The following IPO11 variants were observed in gnomAD, a reference collection of about 807,000 sequenced individuals.
IPO11 encodes importin-11.
Under a neutral mutation model 143.2 loss-of-function variants are expected in IPO11, and 66 were observed. The observed-to-expected ratio is 0.46, with a 90% confidence interval of 0.38 to 0.57. The LOEUF is 0.57. Ranked by LOEUF, IPO11 falls within the 20% of genes least tolerant of loss-of-function variation. The probability of loss-of-function intolerance (pLI) is 0.00; values close to 1 mark genes in which losing one functional copy is unlikely to be tolerated. For synonymous variants in IPO11, 385 were observed against 377.8 expected (o/e 1.02, Z -0.22); for missense variants, 1,026 against 1,141.0 (o/e 0.90, Z 1.45).
chr5:62,489,156 T>G (rs1043557982), intron 13 of IPO11, 146 bp from the exon 14 acceptor site: 3 of 467,708 alleles, frequency 6.4e-6, no homozygotes, highest in African/African-American at 6.1e-5. Flanking sequence ...AGACTTTCCC[T>G]TTGTACTTGT....
Position 62,598,501 on chromosome 5 carries a change from T to G in IPO11, c.2679-3263T>G, listed in dbSNP as rs1580370996. 3.3e-4 allele frequency among the ~76,000 whole-genome samples: 2 copies of G among 6,064 alleles called. 1 individual carries two copies. Among genetic ancestry groups the G allele is most frequent in the Non-Finnish European group, 4.7e-4 (2 of 4,278 alleles). 4.0% of individuals were successfully genotyped at this position (6,064 alleles called of 152,430 possible). A position where few individuals can be genotyped will look rare whatever the true frequency, so the allele number is the denominator to read the frequency against. ...CTCTCTCTCTCTCTCTCTCTTTCTT[T>G]CTTTCTTTCTTTCTTTCTTTCTTTC... On this transcript the variant is annotated intron_variant, in intron 28 of 29. Coordinates refer to ENST00000325324, the MANE Select transcript of IPO11 (RefSeq NM_016338.5).
intron 28 of IPO11, chr5:62,601,184 C>G (rs1335315952): frequency 6.6e-6 from 1 of 152,174 alleles, no homozygotes; most frequent in African/African-American, 2.4e-5. Flanking sequence ...GTTGACTGAA[C>G]AGGAAACTGT....
intron 20 of IPO11, among the ~76,000 whole-genome samples, chr5:62,522,738 G>T (rs537124750): frequency 6.6e-6 from 1 of 152,244 alleles, no homozygotes; most frequent in African/African-American, 2.4e-5. Context: ...TCATATCCCT[G>T]TTCTTGATTA....
At chr5:62,592,385 T>C (rs968334581) in intron 28 of IPO11, among the ~76,000 whole-genome samples, 3 of 152,150 alleles carry the variant, frequency 2.0e-5, no homozygotes, top group South Asian at 2.1e-4. Context: ...ATAGCAGATA[T>C]ATGTTGTTGA....
intron 12 of IPO11, among the ~76,000 whole-genome samples, chr5:62,485,842 C>T (rs1209715395): frequency 1.4e-5 from 2 of 147,672 alleles, no homozygotes; most frequent in Non-Finnish European, 3.0e-5. Flanking sequence ...AAAGCAAAAC[C>T]CGTCTCTTAA....
Position 62,536,723 on chromosome 5 carries a change from G to A in IPO11, c.2111G>A (p.Arg704Lys). Residue 704 changes from arginine (R) to lysine (K), a missense_variant, in exon 23 of 30, where the codon AGA becomes AAA. Physicochemically the swap from Arg to Lys is conservative, Grantham distance 26. Coordinates refer to ENST00000325324, the MANE Select transcript of IPO11 (RefSeq NM_016338.5). ...GCAGAACTAAGTTCAGAAAATCTTAGAACTTGCTTTAAGATCATCAATGGT... is the reference window on the plus strand; with the variant it reads ...GCAGAACTAAGTTCAGAAAATCTTAAAACTTGCTTTAAGATCATCAATGGT... Reference protein sequence around the residue: ...PLLELSSENLRTCFKIINGYI... With the variant: ...PLLELSSENLKTCFKIINGYI... The A allele has an allele frequency of 1.3e-6, 2 of 1,578,554 alleles. No individual in the cohort carries two copies. Among genetic ancestry groups the A allele is most frequent in the Non-Finnish European group, 1.7e-6 (2 of 1,167,504 alleles).
intron 18 of IPO11, 83 bp from the exon 19 acceptor site, chr5:62,506,158 A>C: frequency 1.5e-6 from 1 of 671,646 alleles, no homozygotes; most frequent in East Asian, 2.7e-5. Flanking sequence ...ATTATGATTT[A>C]TTTCTTACTT....
chr5:62,483,002 G>T, intron 9 of IPO11, 99 bp from the exon 10 acceptor site: 4 of 795,574 alleles, frequency 5.0e-6, no homozygotes, highest in Non-Finnish European at 7.9e-6. Flanking sequence ...GGTTCAAACT[G>T]CTAAATGATT....
intron 28 of IPO11, among the ~76,000 whole-genome samples, chr5:62,599,703 G>A (rs530474669): frequency 6.6e-6 from 1 of 152,278 alleles, no homozygotes; most frequent in African/African-American, 2.4e-5. Flanking sequence ...TAGAATGGAG[G>A]AGTGGCCACT....
At position 62,619,941 on chromosome 5, in the gene IPO11, C is replaced by A. The variant is rs367839890; in HGVS notation, c.2764-7213C>A. Among the ~76,000 whole-genome samples the A allele has an allele frequency of 3.9e-5, 6 of 152,096 alleles. No individual in the cohort carries two copies. The East Asian group carries it at 7.7e-4, about 20-fold the overall frequency. On this transcript the variant is annotated intron_variant, in intron 29 of 29. Transcript: ENST00000325324. ...GAAAATTCTGTCTTCTGTAACAGAC[C>A]TCTGGAATCTCAACTTAATGTAATA...
At chr5:62,580,915 A>T (rs1744530479) in intron 27 of IPO11, 9 of 1,551,350 alleles carry the variant, frequency 5.8e-6, no homozygotes, top group Non-Finnish European at 7.8e-6. Flanking sequence ...TACTTCTGTT[A>T]CCTTGAACTT....
chr5:62,435,072 G>GTATATATATGTA (rs1561308662), intron 1 of IPO11, among the ~76,000 whole-genome samples: 3 of 107,836 alleles, frequency 2.8e-5, no homozygotes, highest in Non-Finnish European at 5.6e-5. Flanking sequence ...GTATATATAT[G>GTATATATATGTA]TATATATATG....
At chr5:62,436,972 C>G (rs1461905169) in intron 1 of IPO11, among the ~76,000 whole-genome samples, 2 of 152,154 alleles carry the variant, frequency 1.3e-5, no homozygotes, top group Non-Finnish European at 2.9e-5. Context: ...GGTACTTACT[C>G]AGAATTTAGA....
intron 19 of IPO11, among the ~76,000 whole-genome samples, chr5:62,508,732 A>C (rs1313781192): frequency 1.3e-5 from 2 of 151,728 alleles, no homozygotes; most frequent in Non-Finnish European, 2.9e-5. Flanking sequence ...TATTTCTCCT[A>C]ATGCTATCCC....
intron 29 of IPO11, among the ~76,000 whole-genome samples, chr5:62,617,764 A>T (rs1345311406): frequency 6.6e-6 from 1 of 152,204 alleles, no homozygotes; most frequent in Non-Finnish European, 1.5e-5. Context: ...ACATGTAAGA[A>T]ATTATCTCAA....
At chr5:62,552,525 T>C (rs946000098) in intron 26 of IPO11, among the ~76,000 whole-genome samples, 1 of 151,650 alleles carries the variant, frequency 6.6e-6, no homozygotes, top group Non-Finnish European at 1.5e-5. Context: ...TTTTCCAAGC[T>C]GTTCTCAAAT....
chr5:62,486,548 A>G (rs1011126568), intron 12 of IPO11, among the ~76,000 whole-genome samples: 1 of 152,116 alleles, frequency 6.6e-6, no homozygotes, highest in Non-Finnish European at 1.5e-5. Context: ...TAATATGACA[A>G]ATGTTTTGCC....
intron 24 of IPO11, among the ~76,000 whole-genome samples, chr5:62,537,517 C>T (rs982737653): frequency 6.6e-6 from 1 of 152,124 alleles, no homozygotes; most frequent in African/African-American, 2.4e-5. Context: ...TATAAAAATT[C>T]AATTCTGGAT....
intron 27 of IPO11, among the ~76,000 whole-genome samples, chr5:62,565,697 C>G (rs534756227): frequency 6.6e-6 from 1 of 151,828 alleles, no homozygotes; most frequent in African/African-American, 2.4e-5. Flanking sequence ...AAATACAGAA[C>G]GTGTAGGTTT....
Sources: allele counts gnomAD v4.1 joint callset (sites outside exome capture counted in the v4.1 genomes callset), GRCh38; gene constraint gnomAD v4.1.1; transcripts MANE v1.5; gene names NCBI Gene and HGNC (gene_info 2026-07-23, HGNC 2026-07-21).